ODAD3: variants seen among roughly 807,000 people sequenced by gnomAD.
ODAD3 encodes outer dynein arm docking complex subunit 3, also known as outer dynein arm-docking complex subunit 3.
In ODAD3, 57 loss-of-function variants were observed where a neutral mutation model predicts 70.9. The ratio of observed to expected loss-of-function variants is 0.80; its 90% CI spans 0.65 to 1.00. ODAD3 has a LOEUF of 1.00. Ranked by LOEUF, ODAD3 falls within the 50% of genes least tolerant of loss-of-function variation. The probability of loss-of-function intolerance (pLI) is 0.00; values close to 1 mark genes in which losing one functional copy is unlikely to be tolerated. For synonymous variants in ODAD3, 327 were observed against 315.9 expected (o/e 1.04, Z -0.37); for missense variants, 797 against 763.9 (o/e 1.04, Z -0.51).
intron 7 of ODAD3, among the ~76,000 whole-genome samples, chr19:11,425,101 A>ATGTATATATGTGTATATGTACATATG (rs1969269951): frequency 2.3e-5 from 3 of 133,268 alleles, no homozygotes; most frequent in African/African-American, 9.8e-5. Context: ...ATGTGTATAT[A>ATGTATATATGTGTATATGTACATATG]TGTATATATG....
At chr19:11,424,100 G>C (rs1969206897) in intron 7 of ODAD3, 71 bp from the exon 8 acceptor site, 4 of 1,544,616 alleles carry the variant, frequency 2.6e-6, no homozygotes, top group Admixed American at 1.7e-5. Flanking sequence ...CGGGGAGGGG[G>C]ATCCAGATAG....
At chr19:11,431,938 GCCTCAAA>G (rs1354875987) in intron 1 of ODAD3, among the ~76,000 whole-genome samples, 1 of 116,572 alleles carries the variant, frequency 8.6e-6, no homozygotes, top group African/African-American at 3.5e-5. Flanking sequence ...GCGAGACTCT[GCCTCAAA>G]AAAAAAAAAA....
intron 12 of ODAD3, 27 bp downstream of exon 12, chr19:11,421,101 C>A (rs777498520): frequency 1.2e-5 from 19 of 1,611,194 alleles, no homozygotes; most frequent in Non-Finnish European, 1.6e-5. Flanking sequence ...CCCAACCGCA[C>A]CCCTTCATCC....
At chr19:11,425,335 G>A (rs985470116) in intron 7 of ODAD3, among the ~76,000 whole-genome samples, 6 of 126,924 alleles carry the variant, frequency 4.7e-5, no homozygotes, top group African/African-American at 1.7e-4. Context: ...GTACATATGT[G>A]TATATATGTA....
rs1427323350 is a variant in ODAD3, at chr19:11,424,940, TATATGTGTATATGTAC to T, written c.964-927_964-912del. Among the ~76,000 whole-genome samples, 7 of 111,724 alleles carry T rather than the reference TATATGTGTATATGTAC, an allele frequency of 6.3e-5. 1 individual carries two copies. Among genetic ancestry groups the T allele is most frequent in the South Asian group, 2.7e-4 (1 of 3,758 alleles). The allele number at this position is 111,724 out of a possible 152,430, so 73.3% of individuals were successfully genotyped here. A position where few individuals can be genotyped will look rare whatever the true frequency, so the allele number is the denominator to read the frequency against. Reference sequence around the variant, plus strand: ...ATATGTACCTATGTGTATATATGTATATATGTGTATATGTACATATGTGTATATATGTATATATGTG... The same window carrying T: ...ATATGTACCTATGTGTATATATGTATATATGTGTATATATGTATATATGTG... On this transcript the variant is annotated intron_variant, in intron 7 of 12. Coordinates refer to ENST00000356392, the MANE Select transcript of ODAD3 (RefSeq NM_145045.5).
chr19:11,434,803 C>T lies in ODAD3; in HGVS notation c.214G>A (p.Ala72Thr). The part of the protein sequence containing the change: ...AGKPSVHSQV[A>T]ELHKKIQLLE... ...AGTTGTATCTTTTTATGTAACTCAG[C>T]CACCTGAGAGTGCACAGAGGGCTTC... is the stretch of plus-strand genomic sequence containing the variant. The change falls in exon 1 of 13, where the codon GCT (alanine) becomes ACT (threonine). Residue 72 changes from alanine (A) to threonine (T), a missense_variant. Transcript: ENST00000356392. The T allele has an allele frequency of 6.2e-7, 1 of 1,613,632 alleles. No individual in the cohort carries two copies. Among genetic ancestry groups the T allele is most frequent in the Non-Finnish European group, 8.5e-7 (1 of 1,179,632 alleles).
At chr19:11,434,551 ATAG>A in intron 1 of ODAD3, 1 of 383,012 alleles carries the variant, frequency 2.6e-6, no homozygotes, top group South Asian at 6.8e-5. Flanking sequence ...AAAAAAAAAA[ATAG>A]AGAAAATAAA....
Position 11,422,488 on chromosome 19 carries a change from G to T in ODAD3, c.1417C>A (p.Leu473Met). 6.3e-7 allele frequency: 1 copy of T among 1,593,826 alleles called. No homozygotes were observed. ...GGGCCTACCACAGTGATGTGGATCA[G>T]CTTGCTGGCCAGGTGCTCCAGGCTG... Reference protein sequence around the residue: ...KDSLEHLASKLIHITVEDGRF... With the variant: ...KDSLEHLASKMIHITVEDGRF... Residue 473 changes from leucine to methionine, a missense_variant, in exon 10 of 13, where the codon CTG (leucine) becomes ATG (methionine). Physicochemically the swap from Leu to Met is conservative, Grantham distance 15. Coordinates refer to ENST00000356392, the MANE Select transcript of ODAD3 (RefSeq NM_145045.5). This position sits in a 1 kb window ranked among gnomAD's most constrained non-coding sequence, Gnocchi z 4.6.
Position 11,426,977 on chromosome 19 carries a change from G to A in ODAD3, c.508C>T (p.Gln170Ter). Residue 170 changes from glutamine (Q) to a stop codon, truncating the protein, a stop_gained, in exon 4 of 13, where the codon CAG (glutamine) becomes TAG (stop). Transcript: ENST00000356392. LOFTEE classifies it high-confidence loss of function. ...AGCCGCCTCTGCCGCAACACCACCT[G>A]GTGCCGCAGGGCGTTCTGCTGCTTC... ...KVKQQNALRHQVVLRQRRLEE... is the reference protein window; with the variant it reads ...KVKQQNALRH 1 of 1,607,170 alleles carries A rather than the reference G, an allele frequency of 6.2e-7. No homozygotes were observed. The highest frequency in any genetic ancestry group is 8.5e-7 in the Non-Finnish European group (1 of 1,179,584).
chr19:11,422,827 G>T lies in ODAD3; in HGVS notation c.1151C>A (p.Thr384Asn). The change falls in exon 9 of 13, where the codon ACC (threonine) becomes AAC (asparagine). Residue 384 changes from threonine to asparagine, a missense_variant. Coordinates refer to ENST00000356392, the MANE Select transcript of ODAD3 (RefSeq NM_145045.5). The surrounding 1 kb of genome is among the most constrained non-coding windows in gnomAD (Gnocchi z 4.6). Reference protein sequence around the residue: ...LVRRFLAQGDTFAQLETLKSE... With the variant: ...LVRRFLAQGDNFAQLETLKSE... ...CTTGAGCGTCTCCAACTGCGCGAAG[G>T]TGTCGCCCTGGGCCAGGAACCGCCG... The T allele has an allele frequency of 1.2e-6, 2 of 1,606,646 alleles. No homozygotes were observed. Among genetic ancestry groups the T allele is most frequent in the Non-Finnish European group, 1.7e-6 (2 of 1,179,814 alleles).
chr19:11,435,632 T>C (rs1011447272), upstream of ODAD3: 8 of 1,242,096 alleles, frequency 6.4e-6, no homozygotes, highest in African/African-American at 1.1e-4. Context: ...AAATTTCCGC[T>C]TTCTTTCTGC....
chr19:11,434,228 AAAC>A (rs1969583919), intron 1 of ODAD3, among the ~76,000 whole-genome samples: 10 of 138,808 alleles, frequency 7.2e-5, no homozygotes, highest in South Asian at 2.5e-4. Context: ...ACAAAAAACA[AAAC>A]AAAAAAAAAC....
intron 1 of ODAD3, among the ~76,000 whole-genome samples, chr19:11,431,406 C>T (rs1303891126): frequency 1.3e-5 from 2 of 151,906 alleles, no homozygotes; most frequent in Non-Finnish European, 2.9e-5. Context: ...GCCACTGTGC[C>T]AGGCTCATCA....
chr19:11,421,480 G>A (rs1555721367), intron 11 of ODAD3, among the ~76,000 whole-genome samples, 197 bp downstream of exon 11: 1 of 152,112 alleles, frequency 6.6e-6, no homozygotes, highest in Non-Finnish European at 1.5e-5. Flanking sequence ...CACAGGACCC[G>A]CCTGCACCTC....
At chr19:11,434,237 A>AAC (rs2069844413) in intron 1 of ODAD3, among the ~76,000 whole-genome samples, 9 of 151,124 alleles carry the variant, frequency 6.0e-5, no homozygotes, top group Admixed American at 4.6e-4. Flanking sequence ...AAAACAAAAA[A>AAC]AAACGCGGGT....
At chr19:11,425,970 G>A (rs1361153099) in intron 7 of ODAD3, among the ~76,000 whole-genome samples, 174 bp downstream of exon 7, 1 of 150,704 alleles carries the variant, frequency 6.6e-6, no homozygotes, top group Non-Finnish European at 1.5e-5. Context: ...GAGGAGAGGC[G>A]GGGTCAGGGA....
At position 11,425,225 on chromosome 19, in the gene ODAD3, G is replaced by GTGTATATGTACATATGTGTATATA. The variant is rs1397328381; in HGVS notation, c.963+895_963+918dup. Among the ~76,000 whole-genome samples, 30 of 130,866 alleles carry GTGTATATGTACATATGTGTATATA rather than the reference G, an allele frequency of 2.3e-4. 3 individuals carry two copies. Among genetic ancestry groups the GTGTATATGTACATATGTGTATATA allele is most frequent in the Middle Eastern group, 0.012 (1 of 84 alleles). 85.9% of individuals were successfully genotyped at this position (130,866 alleles called of 152,430 possible). Reference sequence around the variant, plus strand: ...TATGTGTACATATGTGTATATATGTGTGTATATGTACATATGTGTATATAT... The same window carrying GTGTATATGTACATATGTGTATATA: ...TATGTGTACATATGTGTATATATGTGTGTATATGTACATATGTGTATATATGTATATGTACATATGTGTATATAT... On this transcript the variant is annotated intron_variant, in intron 7 of 12. Coordinates refer to ENST00000356392, the MANE Select transcript of ODAD3 (RefSeq NM_145045.5).
chr19:11,428,127 G>T (rs1969425164), intron 3 of ODAD3, among the ~76,000 whole-genome samples: 1 of 151,966 alleles, frequency 6.6e-6, no homozygotes, highest in Non-Finnish European at 1.5e-5. Flanking sequence ...ATAGAGGCAG[G>T]GTCTCGCTAT....
chr19:11,425,014 T>TATATGTACATATGTGC lies in ODAD3; in HGVS notation c.964-986_964-985insGCACATATGTACATAT, dbSNP rs1969257475. Among the ~76,000 whole-genome samples, 3 of 132,882 alleles carry TATATGTACATATGTGC rather than the reference T, an allele frequency of 2.3e-5. 1 individual carries two copies. The highest frequency in any genetic ancestry group is 4.6e-5 in the Non-Finnish European group (3 of 65,000). 87.2% of individuals were successfully genotyped at this position (132,882 alleles called of 152,430 possible). A position where few individuals can be genotyped will look rare whatever the true frequency, so the allele number is the denominator to read the frequency against. On this transcript the variant is annotated intron_variant, in intron 7 of 12. Coordinates refer to ENST00000356392, the MANE Select transcript of ODAD3 (RefSeq NM_145045.5). Reference sequence around the variant, plus strand: ...ACATATGTGTATATGTATATATGTGTATATATACATATGTGCATATATACA... The same window carrying TATATGTACATATGTGC: ...ACATATGTGTATATGTATATATGTGTATATGTACATATGTGCATATATACATATGTGCATATATACA...
Sources: allele counts gnomAD v4.1 joint callset (sites outside exome capture counted in the v4.1 genomes callset), GRCh38; gene constraint gnomAD v4.1.1; non-coding constraint Gnocchi (gnomAD v3.1); transcripts MANE v1.5; gene names NCBI Gene and HGNC (gene_info 2026-07-23, HGNC 2026-07-21).